LTN1: variants seen among roughly 807,000 people sequenced by gnomAD.
LTN1 encodes listerin E3 ubiquitin protein ligase 1, also known as E3 ubiquitin-protein ligase listerin.
LTN1 carries 88 observed loss-of-function variants against 201.2 expected under a neutral mutation model. The ratio of observed to expected loss-of-function variants is 0.44; its 90% CI spans 0.37 to 0.52. The LOEUF is 0.52. LTN1 is among the 20% of genes least tolerant of loss of function. The pLI is 0.00. For missense variants in LTN1, 1,752 were observed against 2,038.7 expected (o/e 0.86, Z 2.71); for synonymous variants, 645 against 713.5 (o/e 0.90, Z 1.53).
Position 28,936,550 on chromosome 21 carries a change from C to T in LTN1, c.4630G>A (p.Glu1544Lys). 2 of 1,613,542 alleles carry T rather than the reference C, an allele frequency of 1.2e-6. No individual in the cohort carries two copies. Among genetic ancestry groups the T allele is most frequent in the Non-Finnish European group, 1.7e-6 (2 of 1,179,750 alleles). Residue 1544 changes from glutamate to lysine, a missense_variant, in exon 26 of 30, where the codon GAG becomes AAG. Physicochemically the swap from Glu to Lys is moderately conservative, Grantham distance 56. Around this residue, in one of 3 missense-constraint regions of LTN1, gnomAD observed 261 missense variants for 350.1 expected, o/e 0.75. Transcript: ENST00000361371. ...CCTCTAATACTCAGCTGGAGCTCCT[C>T]AGTAAAGAATGTTTTAGGGTCCTTA... ...PNKDPKTFFT[E>K]ELQLSIRETT...
chr21:28,935,358 A>G (rs2084246624), intron 26 of LTN1, 29 bp from the exon 27 acceptor site: 1 of 1,320,144 alleles, frequency 7.6e-7, no homozygotes, highest in Admixed American at 1.8e-5. Flanking sequence ...ATTGATTAGT[A>G]ACATATATTT....
At chr21:28,979,678 C>T (rs540716149) in intron 6 of LTN1, among the ~76,000 whole-genome samples, 5 of 152,192 alleles carry the variant, frequency 3.3e-5, no homozygotes, top group Admixed American at 2.0e-4. Context: ...ACAAAACTTG[C>T]GGTGTCTTAG....
intron 6 of LTN1, among the ~76,000 whole-genome samples, chr21:28,976,526 A>T (rs373112841): frequency 1.3e-5 from 2 of 151,360 alleles, no homozygotes; most frequent in East Asian, 1.9e-4. Flanking sequence ...CTTGAACCCA[A>T]GAGGCAGAGG....
chr21:28,971,690 C>T (rs1192455963), intron 6 of LTN1, among the ~76,000 whole-genome samples: 2 of 152,094 alleles, frequency 1.3e-5, no homozygotes, highest in Non-Finnish European at 2.9e-5. Context: ...AAACACAAAT[C>T]CTCTTTAGTA....
At chr21:28,973,554 G>C (rs2084592519) in intron 6 of LTN1, among the ~76,000 whole-genome samples, 1 of 151,830 alleles carries the variant, frequency 6.6e-6, no homozygotes, top group African/African-American at 2.4e-5. Flanking sequence ...TATTTTAAAA[G>C]ACATGACATT....
rs763183118 is a variant in LTN1 at position 28,957,329 on chromosome 21, T to C, written c.2892+3A>G. 2 of 1,578,712 alleles carry C rather than the reference T, an allele frequency of 1.3e-6. No homozygotes were observed. Among genetic ancestry groups the C allele is most frequent in the Non-Finnish European group, 1.7e-6 (2 of 1,168,568 alleles). ...GATATGTACTCTTCAATTTCCAAAA[T>C]ACCTGCATAGGAAGAGACTGCCTCA... On this transcript the variant is annotated splice_donor_region_variant and intron_variant, in intron 15 of 29. Transcript: ENST00000361371.
chr21:28,945,733 G>T, intron 21 of LTN1, 74 bp downstream of exon 21: 1 of 1,329,210 alleles, frequency 7.5e-7, no homozygotes, highest in Non-Finnish European at 1.0e-6. Flanking sequence ...TAAAGAATGA[G>T]ATTAGTAAAT....
intron 12 of LTN1, among the ~76,000 whole-genome samples, chr21:28,960,165 G>A (rs1264529364): frequency 2.6e-5 from 4 of 152,010 alleles, no homozygotes; most frequent in Non-Finnish European, 4.4e-5. Context: ...TGAGGAGTTC[G>A]AGACCAGCCT....
chr21:28,956,845 C>T lies in LTN1; in HGVS notation c.2996G>A (p.Cys999Tyr), dbSNP rs761089206. The T allele has an allele frequency of 6.2e-7, 1 of 1,611,750 alleles. No homozygotes were observed. The change falls in exon 16 of 30, where the codon TGT becomes TAT. Residue 999 changes from cysteine to tyrosine, a missense_variant. Cys to Tyr is a radical substitution (Grantham distance 194, BLOSUM62 -2). Around this residue, in one of 3 missense-constraint regions of LTN1, gnomAD observed 1,211 missense variants for 1,312.8 expected, o/e 0.92. Coordinates refer to ENST00000361371, the MANE Select transcript of LTN1 (RefSeq NM_015565.3). Reference protein sequence around the residue: ...QDIKTLPSHLCTSALLSKMVL... With the variant: ...QDIKTLPSHLYTSALLSKMVL... The stretch of plus-strand genomic sequence containing the variant: ...CATTTTGCTCAATAATGCTGAAGTA[C>T]ACAAATGGCTGGGAAGTGTCTTTAT...
chr21:28,939,790 A>C (rs903707817), intron 25 of LTN1, among the ~76,000 whole-genome samples: 19 of 152,226 alleles, frequency 1.2e-4, no homozygotes, highest in African/African-American at 4.3e-4. Context: ...AAGATCAACA[A>C]TATTTTAAGA....
intron 18 of LTN1, among the ~76,000 whole-genome samples, chr21:28,948,719 A>G (rs1402475125): frequency 6.6e-6 from 1 of 152,232 alleles, no homozygotes. Flanking sequence ...CGTAACAAAA[A>G]TGAACAAAAT....
At chr21:28,976,558 C>G (rs925889688) in intron 6 of LTN1, among the ~76,000 whole-genome samples, 3 of 150,000 alleles carry the variant, frequency 2.0e-5, no homozygotes, top group Non-Finnish European at 4.4e-5. Flanking sequence ...CAAGATGACA[C>G]CACGGCACTC....
At chr21:28,965,734 C>A in intron 11 of LTN1, 131 bp downstream of exon 11, 3 of 564,348 alleles carry the variant, frequency 5.3e-6, no homozygotes, top group Admixed American at 4.0e-5. Context: ...AAGAAAGTTA[C>A]AATAATGAGG....
intron 18 of LTN1, among the ~76,000 whole-genome samples, chr21:28,950,039 T>G (rs1411315057): frequency 6.6e-6 from 1 of 152,144 alleles, no homozygotes; most frequent in African/African-American, 2.4e-5. Flanking sequence ...GCAGTCTCTT[T>G]CACTTTTTTC....
chr21:28,942,960 G>T (rs2084308632), intron 24 of LTN1, among the ~76,000 whole-genome samples: 1 of 152,090 alleles, frequency 6.6e-6, no homozygotes, highest in Non-Finnish European at 1.5e-5. Context: ...TTAATACTCT[G>T]CACAAAGTGG....
intron 22 of LTN1, 35 bp from the exon 23 acceptor site, chr21:28,943,939 A>C: frequency 7.5e-7 from 1 of 1,325,672 alleles, no homozygotes; most frequent in Non-Finnish European, 1.1e-6. Context: ...TGCACGTCTC[A>C]AAAGAAAGTT....
intron 15 of LTN1, 26 bp from the exon 16 acceptor site, chr21:28,956,974 A>G (rs777077935): frequency 7.2e-7 from 1 of 1,397,660 alleles, no homozygotes; most frequent in Non-Finnish European, 9.7e-7. Context: ...GTTATATACA[A>G]AATTATTTAT....
At chr21:28,970,317 T>C (rs1568851673) in intron 8 of LTN1, among the ~76,000 whole-genome samples, 1 of 152,248 alleles carries the variant, frequency 6.6e-6, no homozygotes, top group East Asian at 1.9e-4. Flanking sequence ...AAAAATAGCC[T>C]AGTTGACCTA....
intron 22 of LTN1, among the ~76,000 whole-genome samples, chr21:28,944,139 C>T (rs543423717): frequency 1.3e-5 from 2 of 152,278 alleles, no homozygotes; most frequent in African/African-American, 2.4e-5. Flanking sequence ...TCACATCATC[C>T]ATTCATGTTA....
Sources: allele counts gnomAD v4.1 joint callset (sites outside exome capture counted in the v4.1 genomes callset), GRCh38; gene constraint gnomAD v4.1.1; regional missense constraint gnomAD v4.1.1; transcripts MANE v1.5; gene names NCBI Gene and HGNC (gene_info 2026-07-23, HGNC 2026-07-21).